The following TEAD1 variants were observed in gnomAD, a reference collection of about 807,000 sequenced individuals.
TEAD1 encodes the protein TEA domain transcription factor 1.
A neutral mutation model predicts 54.9 loss-of-function variants in TEAD1; 9 were observed. The ratio of observed to expected loss-of-function variants is 0.16; its 90% CI spans 0.10 to 0.29. The LOEUF is 0.29. Among genes scored for constraint, TEAD1 ranks in the 10% least tolerant of loss-of-function variants. The probability of loss-of-function intolerance (pLI) is 1.00; values close to 1 mark genes in which losing one functional copy is unlikely to be tolerated. For missense variants in TEAD1, 387 were observed against 535.9 expected, an observed-to-expected ratio of 0.72 and a Z score of 2.74; for synonymous variants, 200 against 187.8, an observed-to-expected ratio of 1.07 and a Z score of -0.53.
chr11:12,829,729 A>G (rs575997199), intron 3 of TEAD1, among the ~76,000 whole-genome samples: 29 of 152,254 alleles, frequency 1.9e-4, no homozygotes, highest in Admixed American at 1.8e-3. Flanking sequence ...GGCCCAGTGA[A>G]CTCAGTCAGG....
intron 2 of TEAD1, among the ~76,000 whole-genome samples, chr11:12,761,242 C>T (rs759429834): frequency 6.6e-6 from 1 of 152,332 alleles, no homozygotes; most frequent in East Asian, 1.9e-4. Context: ...CTGCAAGACT[C>T]TGCTGCCTGT....
chr11:12,838,402 T>C (rs1244907818), intron 3 of TEAD1, among the ~76,000 whole-genome samples: 2 of 152,244 alleles, frequency 1.3e-5, no homozygotes, highest in Non-Finnish European at 2.9e-5. Context: ...GTAATTGTGA[T>C]CAGAATAGCC....
chr11:12,724,583 A>C (rs1048937386), intron 2 of TEAD1, among the ~76,000 whole-genome samples: 1 of 152,246 alleles, frequency 6.6e-6, no homozygotes, highest in African/African-American at 2.4e-5. Flanking sequence ...ATGCGCGTGC[A>C]CACGCAAGCC....
chr11:12,906,683 A>G (rs1468423469), intron 10 of TEAD1, among the ~76,000 whole-genome samples: 1 of 152,138 alleles, frequency 6.6e-6, no homozygotes, highest in Admixed American at 6.5e-5. Flanking sequence ...ATTTGTAGTT[A>G]GTTCTTATTT....
At chr11:12,789,579 G>C (rs1448003837) in intron 3 of TEAD1, among the ~76,000 whole-genome samples, 2 of 152,238 alleles carry the variant, frequency 1.3e-5, no homozygotes, top group Non-Finnish European at 2.9e-5. Flanking sequence ...AAGGTAGGCG[G>C]TGGGAACCCA....
intron 3 of TEAD1, among the ~76,000 whole-genome samples, chr11:12,830,313 A>G (rs1946746271): frequency 6.6e-6 from 1 of 152,140 alleles, no homozygotes; most frequent in African/African-American, 2.4e-5. Flanking sequence ...CCCAGTGGAC[A>G]GTGTTGTGAT....
intron 5 of TEAD1, chr11:12,865,231 A>C (rs544713115): frequency 2.9e-6 from 1 of 348,188 alleles, no homozygotes; most frequent in Non-Finnish European, 5.4e-6. Flanking sequence ...GATGTCCACC[A>C]AGCAGCCATG....
chr11:12,711,363 A>G (rs1047252946), intron 2 of TEAD1, among the ~76,000 whole-genome samples: 9 of 152,210 alleles, frequency 5.9e-5, no homozygotes, highest in African/African-American at 2.2e-4. Context: ...ATTTAAATCC[A>G]GGTTTGTCTA....
intron 3 of TEAD1, chr11:12,849,231 G>C (rs1039388900): frequency 1.3e-5 from 2 of 152,024 alleles, no homozygotes; most frequent in African/African-American, 4.8e-5. Context: ...TGTATTTTTA[G>C]TAGAGATGGG....
At chr11:12,882,936 A>G in intron 8 of TEAD1, 65 bp from the exon 9 acceptor site, 1 of 1,613,462 alleles carries the variant, frequency 6.2e-7, no homozygotes, top group South Asian at 1.1e-5. Flanking sequence ...GCCCTGTTCC[A>G]GTATTTGCCT....
At chr11:12,742,763 CAT>C (rs1371508651) in intron 2 of TEAD1, among the ~76,000 whole-genome samples, 12 of 152,198 alleles carry the variant, frequency 7.9e-5, no homozygotes, top group East Asian at 3.8e-4. Context: ...CTACTCCTCA[CAT>C]AGTGTCAAGT....
At chr11:12,936,386 C>A (rs755269627) in intron 12 of TEAD1, among the ~76,000 whole-genome samples, 5 of 152,156 alleles carry the variant, frequency 3.3e-5, no homozygotes, top group African/African-American at 4.8e-5. Flanking sequence ...GAATGTCATT[C>A]CACAGGATTC....
chr11:12,685,554 AC>A (rs1283347087), intron 2 of TEAD1, among the ~76,000 whole-genome samples: 1 of 152,210 alleles, frequency 6.6e-6, no homozygotes, highest in Non-Finnish European at 1.5e-5. Context: ...TGATAATCAG[AC>A]CTAATAAGAA....
intron 3 of TEAD1, among the ~76,000 whole-genome samples, chr11:12,854,290 C>G (rs1398712016): frequency 6.6e-6 from 1 of 152,160 alleles, no homozygotes; most frequent in Non-Finnish European, 1.5e-5. Context: ...CTGTCATTTA[C>G]TCCATCAGTC....
rs1949138299 is a variant in TEAD1 at position 12,939,271 on chromosome 11, AC to A, written c.*2050del. 6.6e-6 allele frequency: 1 copy of A among 152,244 alleles called. No homozygotes were observed. Among genetic ancestry groups the A allele is most frequent in the Non-Finnish European group, 1.5e-5 (1 of 68,076 alleles). The allele number at this position is 152,244 out of a possible 1,614,324, so 9.4% of individuals were successfully genotyped here. On this transcript the variant is annotated 3_prime_UTR_variant, in exon 13 of 13. Transcript: ENST00000527636. ...CCAGGTGTCCCCTTTCACGGTTGTC[AC>A]ATTTACAGTGACTTCTGTTGAACAC...
At chr11:12,864,781 T>C in intron 4 of TEAD1, 57 bp from the exon 5 acceptor site, 1 of 1,613,670 alleles carries the variant, frequency 6.2e-7, no homozygotes, top group Non-Finnish European at 8.5e-7. Flanking sequence ...TAGGGGGCTT[T>C]TCATCTCCAT....
intron 2 of TEAD1, among the ~76,000 whole-genome samples, chr11:12,686,467 AT>A (rs1198548276): frequency 6.6e-6 from 1 of 152,230 alleles, no homozygotes; most frequent in Admixed American, 6.5e-5. Context: ...TTTTTTAAAA[AT>A]AATTCTCATC....
intron 2 of TEAD1, among the ~76,000 whole-genome samples, chr11:12,719,964 T>G (rs1396067521): frequency 9.0e-5 from 4 of 44,454 alleles, no homozygotes; most frequent in African/African-American, 1.8e-4. Context: ...TTTTTTTTTT[T>G]TTTTTTTTTT....
rs1945679873 is a variant in TEAD1, at chr11:12,786,493, A to G, written c.202+22059A>G. Reference sequence around the variant, plus strand: ...ATAGAAGTACGGGAGGCCCAGTTAAATTGGAATTGCAGATAAACAAAAAGT... The same window carrying G: ...ATAGAAGTACGGGAGGCCCAGTTAAGTTGGAATTGCAGATAAACAAAAAGT... On this transcript the variant is annotated intron_variant, in intron 3 of 12. Coordinates refer to ENST00000527636, the MANE Select transcript of TEAD1 (RefSeq NM_021961.6). Among the ~76,000 whole-genome samples the G allele has an allele frequency of 2.6e-5, 4 of 152,320 alleles. No homozygotes were observed. In the South Asian group the frequency reaches 8.3e-4, roughly 32 times the overall value.
Sources: gnomAD v4.1 joint callset for allele counts (sites outside exome capture counted in the v4.1 genomes callset) on GRCh38, gnomAD v4.1.1 for gene constraint, MANE v1.5 for transcripts, NCBI Gene and HGNC (gene_info 2026-07-23, HGNC 2026-07-21) for gene names.